DAAM1: variants seen among roughly 807,000 people sequenced by gnomAD.
The protein encoded by DAAM1 is disheveled-associated activator of morphogenesis 1.
DAAM1 carries 52 observed loss-of-function variants against 130.0 expected under a neutral mutation model. The ratio of observed to expected loss-of-function variants is 0.40; its 90% CI spans 0.32 to 0.50. The LOEUF is 0.50. DAAM1 is among the 20% of genes least tolerant of loss of function. The pLI is 0.61. For synonymous variants in DAAM1, 452 were observed against 444.5 expected, an observed-to-expected ratio of 1.02 and a Z score of -0.21; for missense variants, 1,134 against 1,303.8, an observed-to-expected ratio of 0.87 and a Z score of 2.01.
intron 1 of DAAM1, among the ~76,000 whole-genome samples, chr14:59,206,915 A>G (rs1325233054): frequency 6.6e-6 from 1 of 152,236 alleles, no homozygotes; most frequent in Non-Finnish European, 1.5e-5. Flanking sequence ...ATTTTGATTA[A>G]TTATTAATTT....
chr14:59,328,329 G>A (rs9323345), intron 12 of DAAM1, among the ~76,000 whole-genome samples: 80,076 of 152,096 alleles, frequency 0.53, 22,237 homozygotes, highest in African/African-American at 0.7. Context: ...CTACAAAAAT[G>A]ATAGAAACAT....
chr14:59,238,901 G>A (rs567084892), intron 1 of DAAM1, among the ~76,000 whole-genome samples: 1 of 152,286 alleles, frequency 6.6e-6, no homozygotes, highest in African/African-American at 2.4e-5. Context: ...CAGAGAAGGA[G>A]CCTAAGGCTA....
chr14:59,252,675 GGTTAACATATTTCCACCAAACAGTA>G (rs869077294), intron 1 of DAAM1, among the ~76,000 whole-genome samples: 1 of 141,200 alleles, frequency 7.1e-6, no homozygotes, highest in South Asian at 2.1e-4. Flanking sequence ...ACCAAACAGT[GGTTAACATATTTCCACCAAACAGTA>G]GTTAACAAAT....
chr14:59,368,827 A>G lies in DAAM1; in HGVS notation c.3175A>G (p.Arg1059Gly). 1 of 1,613,360 alleles carries G rather than the reference A, an allele frequency of 6.2e-7. No homozygotes were observed. The highest frequency in any genetic ancestry group is 8.5e-7 in the Non-Finnish European group (1 of 1,179,724). Residue 1059 changes from arginine to glycine, a missense_variant, in exon 25 of 25, where the codon AGA (arginine) becomes GGA (glycine). Arg to Gly is a moderately radical substitution (Grantham distance 125, BLOSUM62 -2). Transcript: ENST00000360909. ...TACCAACCAGATGACTGACAGCAGC[A>G]GAGAGAGACCAATCACAAAACTTAA... ...RITNQMTDSS[R>G]ERPITKLNF is the part of the protein sequence containing the mutation.
At chr14:59,306,991 T>C (rs929897582) in intron 3 of DAAM1, among the ~76,000 whole-genome samples, 3 of 152,202 alleles carry the variant, frequency 2.0e-5, no homozygotes, top group Non-Finnish European at 4.4e-5. Flanking sequence ...GCGAGGAGTC[T>C]GGAGCAGAGT....
chr14:59,342,852 C>G (rs1014911959), intron 16 of DAAM1, among the ~76,000 whole-genome samples: 2 of 151,884 alleles, frequency 1.3e-5, no homozygotes, highest in Admixed American at 6.6e-5. Context: ...GAGGAGGGGC[C>G]GGGAAGGTGG....
intron 1 of DAAM1, among the ~76,000 whole-genome samples, chr14:59,223,773 C>G (rs1888851509): frequency 6.6e-6 from 1 of 152,208 alleles, no homozygotes; most frequent in African/African-American, 2.4e-5. Context: ...AATATAACAA[C>G]TTGTACTTCA....
chr14:59,352,818 G>A (rs1278300443), intron 18 of DAAM1, among the ~76,000 whole-genome samples, 186 bp downstream of exon 18: 1 of 152,018 alleles, frequency 6.6e-6, no homozygotes, highest in Non-Finnish European at 1.5e-5. Flanking sequence ...CTTGTCTATG[G>A]ATGAGCCACG....
intron 8 of DAAM1, among the ~76,000 whole-genome samples, chr14:59,325,444 G>A (rs1045356696): frequency 3.9e-5 from 6 of 152,120 alleles, no homozygotes; most frequent in East Asian, 1.9e-4. Context: ...GCTAGGCATC[G>A]TAGACTTTTA....
intron 17 of DAAM1, among the ~76,000 whole-genome samples, chr14:59,349,981 A>G (rs1886227639): frequency 6.6e-6 from 1 of 152,128 alleles, no homozygotes; most frequent in African/African-American, 2.4e-5. Flanking sequence ...TTCCTTGCCC[A>G]ATGGGTAAAA....
At chr14:59,342,759 A>G (rs192397566) in intron 16 of DAAM1, among the ~76,000 whole-genome samples, 74 of 152,322 alleles carry the variant, frequency 4.9e-4, no homozygotes, top group African/African-American at 1.7e-3. Flanking sequence ...ACTGAAGGAC[A>G]TGGAGCCCGG....
intron 16 of DAAM1, among the ~76,000 whole-genome samples, chr14:59,343,391 T>G (rs1170009941): frequency 6.6e-6 from 1 of 152,214 alleles, no homozygotes; most frequent in Non-Finnish European, 1.5e-5. Flanking sequence ...AGGCTGATTT[T>G]ATGCTTGGGG....
intron 2 of DAAM1, among the ~76,000 whole-genome samples, chr14:59,286,447 T>C (rs761713009): frequency 6.6e-6 from 1 of 151,806 alleles, no homozygotes; most frequent in Non-Finnish European, 1.5e-5. Flanking sequence ...CTGAATGAAA[T>C]TGAGATGTGA....
chr14:59,201,082 A>C (rs182695327), intron 1 of DAAM1, among the ~76,000 whole-genome samples: 2 of 148,428 alleles, frequency 1.3e-5, no homozygotes, highest in African/African-American at 5.0e-5. Flanking sequence ...AATGGTATGA[A>C]CCTGGGAGGC....
chr14:59,310,089 G>T (rs938681263), intron 3 of DAAM1, among the ~76,000 whole-genome samples: 1 of 148,972 alleles, frequency 6.7e-6, no homozygotes, highest in African/African-American at 2.5e-5. Flanking sequence ...GTGTTACCTA[G>T]AATAGTAGTG....
rs564090602 is a variant in DAAM1 at position 59,323,139 on chromosome 14, G to A, written c.688G>A (p.Val230Met). 9.0e-5 allele frequency: 145 copies of A among 1,613,522 alleles called. No individual in the cohort carries two copies. The highest frequency in any genetic ancestry group is 1.3e-4 in the East Asian group (6 of 44,816). ...GGCCGTGCTGGAAATCTTGGGCGCCGTGTGCCTGGTTCCCGGGGGCCACAA... is the reference window on the plus strand; with the variant it reads ...GGCCGTGCTGGAAATCTTGGGCGCCATGTGCCTGGTTCCCGGGGGCCACAA... ...KVAVLEILGA[V>M]CLVPGGHKKV... Residue 230 changes from valine (V) to methionine (M), a missense_variant, in exon 6 of 25, where the codon GTG (valine) becomes ATG (methionine). This residue lies in a region of DAAM1 where 391 missense variants were observed against 521.6 expected (regional missense o/e 0.75). Transcript: ENST00000360909.
At chr14:59,318,094 T>C (rs1431286997) in intron 4 of DAAM1, among the ~76,000 whole-genome samples, 1 of 152,182 alleles carries the variant, frequency 6.6e-6, no homozygotes, top group Non-Finnish European at 1.5e-5. Context: ...CCCTGAGTGA[T>C]CTGTTGGCTT....
chr14:59,346,603 T>C (rs1318555418), intron 16 of DAAM1, among the ~76,000 whole-genome samples: 1 of 152,066 alleles, frequency 6.6e-6, no homozygotes. Flanking sequence ...CCCATTTCCA[T>C]CAAAGAAAAG....
rs778253721 is a variant in DAAM1, at chr14:59,282,365, CA to C, written c.184-8851del. Among the ~76,000 whole-genome samples the C allele has an allele frequency of 5.3e-5, 8 of 152,286 alleles. No homozygotes were observed. In the South Asian group the frequency reaches 1.2e-3, roughly 24 times the overall value. On this transcript the variant is annotated intron_variant, in intron 2 of 24. Coordinates refer to ENST00000360909, the MANE Select transcript of DAAM1 (RefSeq NM_001270520.2). ...AATTTAATAGATAGATATTCAACAA[CA>C]TTTTTTTGATAGATGACTATCAGGA...
Sources: gnomAD v4.1 joint callset for allele counts (sites outside exome capture counted in the v4.1 genomes callset) on GRCh38, gnomAD v4.1.1 for gene constraint, gnomAD v4.1.1 regional missense constraint, MANE v1.5 for transcripts, NCBI Gene and HGNC (gene_info 2026-07-23, HGNC 2026-07-21) for gene names.